MACF1: variants seen among roughly 807,000 people sequenced by gnomAD.
The protein encoded by MACF1 is microtubule actin crosslinking factor 1.
Under a neutral mutation model 854.8 loss-of-function variants are expected in MACF1, and 193 were observed. That is an observed-to-expected ratio of 0.23 (90% CI 0.20 to 0.25). The LOEUF is 0.25. MACF1 is among the 10% of genes least tolerant of loss of function. MACF1 has a pLI of 1.00. For missense variants in MACF1, 7,722 were observed against 8,929.1 expected (o/e 0.86, Z 5.45); for synonymous variants, 3,185 against 3,226.7 (o/e 0.99, Z 0.44).
chr1:39,123,427 C>G (rs938406688), intron 2 of MACF1, among the ~76,000 whole-genome samples: 1 of 151,814 alleles, frequency 6.6e-6, no homozygotes, highest in Admixed American at 6.6e-5. Context: ...AGACTGGTCT[C>G]GAACTGCTGA....
At chr1:39,358,571 C>G in intron 45 of MACF1, 126 bp from the exon 46 acceptor site, 1 of 827,626 alleles carries the variant, frequency 1.2e-6, no homozygotes, top group South Asian at 1.6e-5. Flanking sequence ...TCCATGGGTT[C>G]TGGCAATACC....
chr1:39,142,248 C>T (rs980018334), intron 2 of MACF1, among the ~76,000 whole-genome samples: 3 of 152,160 alleles, frequency 2.0e-5, no homozygotes, highest in African/African-American at 7.2e-5. Context: ...AACTGCCAGC[C>T]TCCTGTTGCC....
At chr1:39,462,176 CT>C (rs1407151762) in intron 93 of MACF1, 139 bp downstream of exon 93, 3 of 820,376 alleles carry the variant, frequency 3.7e-6, no homozygotes, top group African/African-American at 3.5e-5. Context: ...TTTGAGATCT[CT>C]TTTTGGATAG....
intron 2 of MACF1, among the ~76,000 whole-genome samples, chr1:39,158,535 G>T (rs1341740139): frequency 2.0e-5 from 3 of 152,198 alleles, no homozygotes; most frequent in African/African-American, 4.8e-5. Context: ...GCCCTTTAAA[G>T]ATTTTGTTCT....
intron 59 of MACF1, 61 bp from the exon 60 acceptor site, chr1:39,422,669 A>G: frequency 1.9e-6 from 3 of 1,561,922 alleles, no homozygotes; most frequent in Non-Finnish European, 2.6e-6. Context: ...AAAAGAGGTC[A>G]GTAGTAATTT....
chr1:39,411,222 A>G (rs1642985147), intron 58 of MACF1: 2 of 1,613,854 alleles, frequency 1.2e-6, no homozygotes, highest in African/African-American at 2.7e-5. Flanking sequence ...AGTCTGAGCT[A>G]AAGTTTGAGG....
intron 33 of MACF1, among the ~76,000 whole-genome samples, chr1:39,323,750 C>T (rs149063311): frequency 8.5e-5 from 13 of 152,180 alleles, no homozygotes; most frequent in African/African-American, 3.1e-4. Flanking sequence ...GCTGTTAAAA[C>T]ATTAACCATA....
intron 95 of MACF1, chr1:39,468,084 T>C (rs1266793387): frequency 1.3e-5 from 2 of 152,484 alleles, no homozygotes; most frequent in East Asian, 3.9e-4. Flanking sequence ...TTAAAAGTGA[T>C]TTTTATCCCA....
At chr1:39,441,837 A>G in intron 74 of MACF1, 115 bp from the exon 75 acceptor site, 1 of 745,308 alleles carries the variant, frequency 1.3e-6, no homozygotes, top group Non-Finnish European at 2.3e-6. Flanking sequence ...CTGAAATCAC[A>G]AACAGCACAA....
chr1:39,254,449 G>A (rs1645075682), intron 5 of MACF1, 74 bp downstream of exon 5: 11 of 1,309,896 alleles, frequency 8.4e-6, no homozygotes, highest in Non-Finnish European at 1.2e-5. Context: ...GATGTTTTTA[G>A]TGCCCCTAGT....
rs529551790 is a variant in MACF1 at position 39,477,182 on chromosome 1, TATA to T, written c.21959-2612_21959-2610del. Reference sequence around the variant, plus strand: ...TGTGCAAAGGAGTAAGACACACCATTATAATAGTGATGTCCCTTGGGTTGTGAG... The same window carrying T: ...TGTGCAAAGGAGTAAGACACACCATTATAGTGATGTCCCTTGGGTTGTGAG... On this transcript the variant is annotated intron_variant, in intron 97 of 100. Coordinates refer to ENST00000564288, the MANE Select transcript of MACF1 (RefSeq NM_001394062.1). Among the ~76,000 whole-genome samples the T allele has an allele frequency of 3.7e-4, 48 of 130,418 alleles. 1 individual carries two copies. The South Asian group carries it at 0.013, about 34-fold the overall frequency. The allele number at this position is 130,418 out of a possible 152,430, so 85.6% of individuals were successfully genotyped here.
chr1:39,119,186 C>T (rs917475840), intron 2 of MACF1, among the ~76,000 whole-genome samples: 7 of 151,754 alleles, frequency 4.6e-5, no homozygotes, highest in Non-Finnish European at 8.8e-5. Context: ...GCGTGGTGGC[C>T]CATGCCTGTA....
At chr1:39,458,656 G>A in intron 90 of MACF1, 166 bp downstream of exon 90, 2 of 802,586 alleles carry the variant, frequency 2.5e-6, no homozygotes, top group Non-Finnish European at 3.8e-6. Flanking sequence ...TTGACAGACA[G>A]TAGCTGTACT....
Position 39,283,515 on chromosome 1 carries a change from G to A in MACF1, c.915G>A (p.Thr305=). Residue 305 remains threonine, a splice_region_variant and synonymous_variant, in exon 9 of 101, where the codon ACG becomes ACA. Transcript: ENST00000564288. This position sits in a 1 kb window ranked among gnomAD's most constrained non-coding sequence, Gnocchi z 4.5. ...AGGGTGGAGAAGGGATCAGTGCTAC[G>A]GTAAAAGAACATTTTCCTAGAAGGC... The part of the protein sequence containing the change: ...VPEGGEGISA[T]EVDSRWQEYQ... The A allele has an allele frequency of 6.3e-7, 1 of 1,587,888 alleles. No individual in the cohort carries two copies. Among genetic ancestry groups the A allele is most frequent in the Non-Finnish European group, 8.6e-7 (1 of 1,156,406 alleles).
At chr1:39,328,363 A>C (rs1483563565) in intron 36 of MACF1, 1 of 152,174 alleles carries the variant, frequency 6.6e-6, no homozygotes, top group Admixed American at 6.5e-5. Flanking sequence ...CTCATTTTGA[A>C]AGGTTAAAAA....
intron 17 of MACF1, 39 bp downstream of exon 17, chr1:39,292,882 G>C: frequency 1.3e-6 from 2 of 1,534,484 alleles, no homozygotes; most frequent in African/African-American, 2.7e-5. Flanking sequence ...TGCTCATAGA[G>C]TCTGGTTCCC....
intron 58 of MACF1, among the ~76,000 whole-genome samples, chr1:39,395,355 A>C (rs995521701): frequency 2.0e-5 from 3 of 152,240 alleles, no homozygotes; most frequent in Non-Finnish European, 4.4e-5. Flanking sequence ...TTTATGTAAC[A>C]AGCAGCCTTC....
intron 98 of MACF1, 47 bp from the exon 99 acceptor site, chr1:39,480,873 C>G: frequency 9.8e-7 from 1 of 1,017,838 alleles, no homozygotes; most frequent in Non-Finnish European, 1.5e-6. Flanking sequence ...CCTTTTTGTT[C>G]CTTTTTCAAT....
At chr1:39,360,138 G>A (rs1472162173) in intron 47 of MACF1, among the ~76,000 whole-genome samples, 2 of 145,350 alleles carry the variant, frequency 1.4e-5, no homozygotes, top group African/African-American at 5.1e-5. Context: ...GGCTGTGAGA[G>A]TATATTTTAA....
Sources: gnomAD v4.1 joint callset for allele counts (sites outside exome capture counted in the v4.1 genomes callset) on GRCh38, gnomAD v4.1.1 for gene constraint, Gnocchi (gnomAD v3.1) non-coding constraint, MANE v1.5 for transcripts, NCBI Gene and HGNC (gene_info 2026-07-23, HGNC 2026-07-21) for gene names.